Variants in MBNL1 observed in about 807,000 individuals in gnomAD.
MBNL1 encodes muscleblind-like protein 1.
MBNL1 carries 8 observed loss-of-function variants against 42.2 expected under a neutral mutation model. The observed-to-expected ratio is 0.19, with a 90% CI of 0.11 to 0.34. The LOEUF is 0.34. Ranked by LOEUF, MBNL1 falls within the 10% of genes least tolerant of loss-of-function variation. MBNL1 has a pLI of 1.00. For synonymous variants in MBNL1, 169 were observed against 173.9 expected, an observed-to-expected ratio of 0.97 and a Z score of 0.22; for missense variants, 309 against 495.3, an observed-to-expected ratio of 0.62 and a Z score of 3.57.
intron 2 of MBNL1, among the ~76,000 whole-genome samples, chr3:152,345,004 G>T (rs1219662447): frequency 6.6e-6 from 1 of 151,942 alleles, no homozygotes; most frequent in Non-Finnish European, 1.5e-5. Context: ...TCCTTTCATG[G>T]CTATGTATGC....
At chr3:152,377,394 G>A (rs921917334) in intron 2 of MBNL1, among the ~76,000 whole-genome samples, 2 of 152,026 alleles carry the variant, frequency 1.3e-5, no homozygotes, top group Admixed American at 6.6e-5. Flanking sequence ...TTATAGAACC[G>A]AAATTAAATT....
At chr3:152,275,393 C>T (rs2044375959) in intron 1 of MBNL1, among the ~76,000 whole-genome samples, 1 of 152,090 alleles carries the variant, frequency 6.6e-6, no homozygotes, top group Non-Finnish European at 1.5e-5. Context: ...TTCTTATAAA[C>T]ACTATATCTA....
chr3:152,257,346 G>T (rs1038047937), intron 2 of MBNL1, among the ~76,000 whole-genome samples: 4 of 152,164 alleles, frequency 2.6e-5, no homozygotes, highest in African/African-American at 7.2e-5. Context: ...AATACAGAAA[G>T]AGCAGGCAGA....
At chr3:152,342,091 A>T (rs889551236) in intron 2 of MBNL1, among the ~76,000 whole-genome samples, 1 of 152,154 alleles carries the variant, frequency 6.6e-6, no homozygotes, top group Non-Finnish European at 1.5e-5. Context: ...ACCAAGAGAA[A>T]CTTGGCCTCA....
At chr3:152,355,399 A>T (rs1291123343) in intron 2 of MBNL1, among the ~76,000 whole-genome samples, 1 of 152,240 alleles carries the variant, frequency 6.6e-6, no homozygotes, top group Non-Finnish European at 1.5e-5. Flanking sequence ...GACATACATA[A>T]ATTTTACACA....
intron 2 of MBNL1, among the ~76,000 whole-genome samples, chr3:152,394,223 A>G (rs1192377893): frequency 1.3e-5 from 2 of 152,242 alleles, no homozygotes; most frequent in African/African-American, 2.4e-5. Flanking sequence ...GTCATAGTCA[A>G]TTAGTGTGAA....
chr3:152,361,765 G>A (rs1284107557), intron 2 of MBNL1, among the ~76,000 whole-genome samples: 2 of 152,100 alleles, frequency 1.3e-5, no homozygotes, highest in Admixed American at 6.5e-5. Flanking sequence ...TTTAATTTAG[G>A]TAGATTAAAT....
intron 2 of MBNL1, among the ~76,000 whole-genome samples, chr3:152,373,064 C>G (rs1205536016): frequency 6.6e-6 from 1 of 152,056 alleles, no homozygotes; most frequent in Admixed American, 6.5e-5. Context: ...GGGCTCTGCC[C>G]AATTCGAACT....
chr3:152,252,134 A>ACCTACCTT (rs2034659758), intron 2 of MBNL1, among the ~76,000 whole-genome samples: 1 of 102,836 alleles, frequency 9.7e-6, no homozygotes, highest in Non-Finnish European at 2.0e-5. Flanking sequence ...AAACTAACCT[A>ACCTACCTT]CCTTCCTTCC....
chr3:152,300,672 C>G (rs1014840085), intron 2 of MBNL1, among the ~76,000 whole-genome samples: 5 of 152,088 alleles, frequency 3.3e-5, no homozygotes, highest in Non-Finnish European at 7.4e-5. Flanking sequence ...GTAAATGTAG[C>G]TACCTGTGAG....
intron 8 of MBNL1, chr3:152,457,951 T>G: frequency 2.0e-6 from 1 of 510,750 alleles, no homozygotes; most frequent in Non-Finnish European, 3.5e-6. Context: ...AGGGAATGGA[T>G]ATATATATAC....
chr3:152,288,237 A>C (rs926585948), intron 1 of MBNL1, among the ~76,000 whole-genome samples: 1 of 152,332 alleles, frequency 6.6e-6, no homozygotes, highest in South Asian at 2.1e-4. Flanking sequence ...TGAGGGCGGA[A>C]TGTTTTTATT....
At position 152,462,628 on chromosome 3, in the gene MBNL1, A is replaced by G. The variant is rs1747941834; in HGVS notation, c.*262A>G. 6.6e-6 allele frequency: 1 copy of G among 152,154 alleles called. No homozygotes were observed. Among genetic ancestry groups the G allele is most frequent in the Non-Finnish European group, 1.5e-5 (1 of 68,006 alleles). The allele number at this position is 152,154 out of a possible 1,614,324, so 9.4% of individuals were successfully genotyped here. A position where few individuals can be genotyped will look rare whatever the true frequency, so the allele number is the denominator to read the frequency against. ...TGATATTCCTGTCTAAAAGAACAAC[A>G]TTGTCTTTCTTTTCTAGCACAGAGT... On this transcript the variant is annotated 3_prime_UTR_variant, in exon 10 of 10. Coordinates refer to ENST00000324210, the MANE Select transcript of MBNL1 (RefSeq NM_021038.5).
chr3:152,462,689 A>G lies in MBNL1; in HGVS notation c.*323A>G, dbSNP rs1183584039. On this transcript the variant is annotated 3_prime_UTR_variant, in exon 10 of 10. Transcript: ENST00000324210. ...AAGATGCATACCTAGTTAGTTTCCT[A>G]TATATTCATGCCATCTTGAAAAGAC... 6.6e-6 allele frequency: 1 copy of G among 152,190 alleles called. No homozygotes were observed. The highest frequency in any genetic ancestry group is 2.4e-5 in the African/African-American group (1 of 41,458). The allele number at this position is 152,190 out of a possible 1,614,324, so 9.4% of individuals were successfully genotyped here.
Position 152,353,671 on chromosome 3 carries a change from C to CTTT in MBNL1, c.174+53320_174+53322dup, listed in dbSNP as rs34931833. On this transcript the variant is annotated intron_variant, in intron 2 of 9. Transcript: ENST00000324210. ...GAAGAAGAGTCTATCTCAACAAATC[C>CTTT]TTTTTTTTTTTTTTTTTTGGCTTAT... Among the ~76,000 whole-genome samples the CTTT allele has an allele frequency of 3.5e-3, 402 of 116,382 alleles. 4 individuals are homozygous for CTTT. The highest frequency in any genetic ancestry group is 4.9e-3 in the Middle Eastern group (1 of 206). The allele number at this position is 116,382 out of a possible 152,430, so 76.4% of individuals were successfully genotyped here.
At chr3:152,424,232 A>G (rs2098856533) in intron 3 of MBNL1, among the ~76,000 whole-genome samples, 1 of 152,252 alleles carries the variant, frequency 6.6e-6, no homozygotes, top group Admixed American at 6.5e-5. Flanking sequence ...CAGTCTCAGG[A>G]TACAAAATCA....
chr3:152,401,175 C>A (rs1261487358), intron 2 of MBNL1, among the ~76,000 whole-genome samples: 3 of 152,164 alleles, frequency 2.0e-5, no homozygotes, highest in African/African-American at 7.2e-5. Context: ...CTTATTCATT[C>A]TACAAACATT....
intron 6 of MBNL1, among the ~76,000 whole-genome samples, chr3:152,455,010 G>T (rs1730799907): frequency 6.6e-6 from 1 of 152,226 alleles, no homozygotes; most frequent in South Asian, 2.1e-4. Context: ...CTGCTACAAT[G>T]AACAGGAAAA....
At position 152,400,889 on chromosome 3, in the gene MBNL1, G is replaced by A. The variant is rs2098187601; in HGVS notation, c.175-14052G>A. Among the ~76,000 whole-genome samples the A allele has an allele frequency of 2.0e-5, 3 of 152,280 alleles. No individual in the cohort carries two copies. In the South Asian group the frequency reaches 6.2e-4, roughly 32 times the overall value. On this transcript the variant is annotated intron_variant, in intron 2 of 9. Coordinates refer to ENST00000324210, the MANE Select transcript of MBNL1 (RefSeq NM_021038.5). ...AGAGTTTAAAAAAACTCTGGAAAAG[G>A]TTGTGGTTGATTGGTAAATGAGAAT...
Sources: gnomAD v4.1 joint callset for allele counts (sites outside exome capture counted in the v4.1 genomes callset) on GRCh38, gnomAD v4.1.1 for gene constraint, MANE v1.5 for transcripts, NCBI Gene and HGNC (gene_info 2026-07-23, HGNC 2026-07-21) for gene names.